The following USP22 variants were observed in gnomAD, a reference collection of about 807,000 sequenced individuals.
USP22 encodes ubiquitin carboxyl-terminal hydrolase 22.
USP22 carries 22 observed loss-of-function variants against 68.1 expected under a neutral mutation model. That is an observed-to-expected ratio of 0.32 (90% CI 0.23 to 0.46). USP22 has a LOEUF of 0.46. USP22 is among the 20% of genes least tolerant of loss of function. The probability of loss-of-function intolerance (pLI) is 1.00; values close to 1 mark genes in which losing one functional copy is unlikely to be tolerated. For synonymous variants in USP22, 279 were observed against 274.2 expected (o/e 1.02, Z -0.17); for missense variants, 433 against 695.8 (o/e 0.62, Z 4.25).
intron 1 of USP22, among the ~76,000 whole-genome samples, chr17:21,040,955 G>A (rs1387911977): frequency 2.0e-5 from 3 of 149,800 alleles, no homozygotes; most frequent in Non-Finnish European, 4.4e-5. Context: ...CGCGATCACT[G>A]CTCACTGCAA....
At position 21,007,271 on chromosome 17, in the gene USP22, A is replaced by AAC. The variant is rs1409612819; in HGVS notation, c.1231-286_1231-285dup. Among the ~76,000 whole-genome samples the AAC allele has an allele frequency of 2.6e-5, 4 of 152,216 alleles. No homozygotes were observed. In the South Asian group the frequency reaches 8.3e-4, roughly 32 times the overall value. On this transcript the variant is annotated intron_variant, in intron 9 of 12. Transcript: ENST00000261497. Reference sequence around the variant, plus strand: ...AAACCCAGCAAAGCACAGAAAACAAAACAAAGATCCGTGGCCCATGGCAGC... The same window carrying AAC: ...AAACCCAGCAAAGCACAGAAAACAAAACACAAAGATCCGTGGCCCATGGCAGC...
intron 10 of USP22, among the ~76,000 whole-genome samples, chr17:21,006,025 C>A (rs1913766392): frequency 6.6e-6 from 1 of 152,160 alleles, no homozygotes; most frequent in Admixed American, 6.5e-5. Context: ...GTGGAACCAC[C>A]AGCAGCTGGA....
intron 10 of USP22, 105 bp downstream of exon 10, chr17:21,006,791 C>T: frequency 1.1e-6 from 1 of 923,974 alleles, no homozygotes; most frequent in Non-Finnish European, 1.6e-6. Flanking sequence ...GCGGGAGCCA[C>T]TGCACCCGGC....
At chr17:21,025,670 G>A (rs1462371442) in intron 2 of USP22, among the ~76,000 whole-genome samples, 3 of 152,150 alleles carry the variant, frequency 2.0e-5, no homozygotes, top group Non-Finnish European at 4.4e-5. Context: ...GCCATACAAA[G>A]GAATGAAATA....
intron 1 of USP22, among the ~76,000 whole-genome samples, chr17:21,036,520 AGGG>A (rs576667414): frequency 1.4e-5 from 1 of 70,756 alleles, no homozygotes; most frequent in African/African-American, 5.7e-5. Context: ...CTGTACTGTA[AGGG>A]GGGGGGGGGT....
chr17:21,027,216 A>G (rs1268435263), intron 2 of USP22, among the ~76,000 whole-genome samples: 2 of 143,138 alleles, frequency 1.4e-5, no homozygotes, highest in Admixed American at 7.3e-5. Context: ...TGAGCCCAGG[A>G]GGTCAAGGCC....
Position 21,042,774 on chromosome 17 carries a change from G to T in USP22, c.62C>A (p.Pro21Gln). Reference sequence around the variant, plus strand: ...GAAGCTGCCCAGGTGCGAGCAGCCCGGCGGCGCTACCGCCAGCTCGGCGTC... The same window carrying T: ...GAAGCTGCCCAGGTGCGAGCAGCCCTGCGGCGCTACCGCCAGCTCGGCGTC... ...AMDAELAVAP[P>Q]GCSHLGSFKV... is the part of the protein sequence containing the mutation. The change falls in exon 1 of 13, where the codon CCG (proline) becomes CAG (glutamine). Residue 21 changes from proline (P) to glutamine (Q), a missense_variant. Physicochemically the swap from Pro to Gln is moderately conservative, Grantham distance 76. This residue lies in a region of USP22 where 110 missense variants were observed against 89.9 expected (regional missense o/e 1.22). Coordinates refer to ENST00000261497, the MANE Select transcript of USP22 (RefSeq NM_015276.2). 2.0e-6 allele frequency: 3 copies of T among 1,492,546 alleles called. No individual in the cohort carries two copies. The highest frequency in any genetic ancestry group is 2.7e-6 in the Non-Finnish European group (3 of 1,122,898). The allele number at this position is 1,492,546 out of a possible 1,614,324, so 92.5% of individuals were successfully genotyped here. A position where few individuals can be genotyped will look rare whatever the true frequency, so the allele number is the denominator to read the frequency against.
intron 1 of USP22, among the ~76,000 whole-genome samples, chr17:21,033,308 G>A (rs1051933471): frequency 2.0e-5 from 3 of 152,154 alleles, no homozygotes; most frequent in Non-Finnish European, 4.4e-5. Context: ...AACATAACTA[G>A]GATTTGTATG....
intron 2 of USP22, among the ~76,000 whole-genome samples, chr17:21,024,996 C>T (rs150597648): frequency 3.4e-3 from 522 of 152,146 alleles, no homozygotes; most frequent in Non-Finnish European, 5.5e-3. Flanking sequence ...TGGACTTCAT[C>T]AGAATTAAAA....
rs1257760100 is a variant in USP22 at position 21,042,660 on chromosome 17, C to A, written c.171+5G>T. 3.2e-6 allele frequency: 4 copies of A among 1,267,818 alleles called. No individual in the cohort carries two copies. Among genetic ancestry groups the A allele is most frequent in the Non-Finnish European group, 3.0e-6 (3 of 1,002,620 alleles). 78.5% of individuals were successfully genotyped at this position (1,267,818 alleles called of 1,614,324 possible). A position where few individuals can be genotyped will look rare whatever the true frequency, so the allele number is the denominator to read the frequency against. On this transcript the variant is annotated splice_donor_5th_base_variant and intron_variant, in intron 1 of 12. Coordinates refer to ENST00000261497, the MANE Select transcript of USP22 (RefSeq NM_015276.2). ...GCCCGCCGCGCGGTGGGCTGCCGGG[C>A]GCACCTTGCGCTTGCGGGCCTCAGC...
chr17:21,036,045 A>AAAAAAAAAAAAAAAAAAAAAAAAAG (rs1567593858), intron 1 of USP22, among the ~76,000 whole-genome samples: 1 of 150,920 alleles, frequency 6.6e-6, no homozygotes, highest in African/African-American at 2.5e-5. Flanking sequence ...AAAAAAAAAA[A>AAAAAAAAAAAAAAAAAAAAAAAAAG]AAAAAAAAAA....
chr17:21,006,849 G>C (rs1913797812), intron 10 of USP22, 47 bp downstream of exon 10: 2 of 1,470,702 alleles, frequency 1.4e-6, no homozygotes, highest in Non-Finnish European at 1.8e-6. Flanking sequence ...TGTCCTGATA[G>C]GATCACAGCC....
Position 21,042,636 on chromosome 17 carries a change from C to G in USP22, c.171+29G>C, listed in dbSNP as rs1234330511. 12 of 1,259,868 alleles carry G rather than the reference C, an allele frequency of 9.5e-6. No individual in the cohort carries two copies. The South Asian group carries it at 3.3e-4, about 35-fold the overall frequency. 78.0% of individuals were successfully genotyped at this position (1,259,868 alleles called of 1,614,324 possible). ...CTCAGGAGCGGCAGAAGGCCCCGAG[C>G]CCGCCGCGCGGTGGGCTGCCGGGCG... On this transcript the variant is annotated intron_variant, in intron 1 of 12. Coordinates refer to ENST00000261497, the MANE Select transcript of USP22 (RefSeq NM_015276.2).
intron 2 of USP22, among the ~76,000 whole-genome samples, chr17:21,023,634 G>A (rs1171436447): frequency 8.5e-6 from 1 of 117,104 alleles, no homozygotes; most frequent in East Asian, 2.3e-4. Flanking sequence ...GAGAGTGCCA[G>A]ACTATGTCTC....
intron 2 of USP22, among the ~76,000 whole-genome samples, chr17:21,025,949 C>T (rs1027777963): frequency 2.0e-5 from 3 of 152,134 alleles, no homozygotes; most frequent in East Asian, 1.9e-4. Flanking sequence ...TAAATGTCAC[C>T]GACTTGTAGA....
intron 8 of USP22, among the ~76,000 whole-genome samples, chr17:21,008,253 A>C (rs532189185): frequency 6.6e-6 from 1 of 152,306 alleles, no homozygotes; most frequent in East Asian, 1.9e-4. Context: ...GTACCATATG[A>C]CCCAGCAGTT....
At chr17:21,004,777 CTGCGGGCAGCCAATAGT>C (rs1913727041) in intron 11 of USP22, 134 bp downstream of exon 11, 17 of 87,172 alleles carry the variant, frequency 2.0e-4, no homozygotes, top group South Asian at 9.4e-4. Flanking sequence ...CCTAGTGGAG[CTGCGGGCAGCCAATAGT>C]GGAGCTGCGG....
intron 2 of USP22, among the ~76,000 whole-genome samples, chr17:21,026,118 C>A (rs545743625): frequency 6.6e-6 from 1 of 152,202 alleles, no homozygotes; most frequent in East Asian, 1.9e-4. Context: ...ATTAGCTGGG[C>A]ATGTTGGTGT....
At chr17:21,008,226 T>C (rs1482612173) in intron 8 of USP22, among the ~76,000 whole-genome samples, 1 of 152,102 alleles carries the variant, frequency 6.6e-6, no homozygotes, top group Non-Finnish European at 1.5e-5. Flanking sequence ...CCTGGGGAAA[T>C]GGTAATAATT....
Sources: gnomAD v4.1 joint callset for allele counts (sites outside exome capture counted in the v4.1 genomes callset) on GRCh38, gnomAD v4.1.1 for gene constraint, gnomAD v4.1.1 regional missense constraint, MANE v1.5 for transcripts, NCBI Gene and HGNC (gene_info 2026-07-23, HGNC 2026-07-21) for gene names.